The following TGIF1 variants were observed in gnomAD, a reference collection of about 807,000 sequenced individuals.
TGIF1 encodes homeobox protein TGIF1.
In TGIF1, 4 loss-of-function variants were observed where a neutral mutation model predicts 19.3. That is an observed-to-expected ratio of 0.21 (90% CI 0.10 to 0.47). TGIF1 has a LOEUF of 0.47. Among genes scored for constraint, TGIF1 ranks in the 20% least tolerant of loss-of-function variants. TGIF1 has a pLI of 0.98. For synonymous variants in TGIF1, 122 were observed against 129.3 expected, an observed-to-expected ratio of 0.94 and a Z score of 0.38; for missense variants, 275 against 341.4, an observed-to-expected ratio of 0.81 and a Z score of 1.53.
At chr18:3,433,320 C>T (rs536704766) in intron 2 of TGIF1, among the ~76,000 whole-genome samples, 10 of 152,080 alleles carry the variant, frequency 6.6e-5, no homozygotes, top group South Asian at 2.1e-4. Context: ...GTGATCCGCC[C>T]GCCTCAGCCT....
At position 3,443,542 on chromosome 18, in the gene TGIF1, A is replaced by G. The variant is rs143366592; in HGVS notation, c.-44-12812A>G. Among the ~76,000 whole-genome samples, 12 of 152,210 alleles carry G rather than the reference A, an allele frequency of 7.9e-5. No individual in the cohort carries two copies. In the East Asian group the frequency reaches 2.3e-3, roughly 29 times the overall value. Reference sequence around the variant, plus strand: ...ACTCTGTGCACTACAGGTGTATACCACGAAGCCCAGCCAATATAATATGAA... The same window carrying G: ...ACTCTGTGCACTACAGGTGTATACCGCGAAGCCCAGCCAATATAATATGAA... On this transcript the variant is annotated intron_variant, in intron 2 of 3. Transcript: ENST00000401449.
intron 2 of TGIF1, among the ~76,000 whole-genome samples, chr18:3,437,757 T>C (rs919706542): frequency 2.6e-5 from 4 of 152,174 alleles, no homozygotes; most frequent in African/African-American, 9.7e-5. Flanking sequence ...GAATCACTAA[T>C]CCCCTTGGAA....
At position 3,437,069 on chromosome 18, in the gene TGIF1, C is replaced by T. The variant is rs555311135; in HGVS notation, c.-45+18854C>T. ...GCAGTGAGCCGAGATTGCGCCACTG[C>T]ACTCCAACCTGGGTGACAGCGCAGG... On this transcript the variant is annotated intron_variant, in intron 2 of 3. Coordinates refer to the TGIF1 transcript ENST00000401449. Among the ~76,000 whole-genome samples, 19 of 152,210 alleles carry T rather than the reference C, an allele frequency of 1.2e-4. No individual in the cohort carries two copies. The East Asian group carries it at 3.7e-3, about 29-fold the overall frequency.
chr18:3,454,819 CT>C (rs1391228987), intron 1 of TGIF1, among the ~76,000 whole-genome samples: 1 of 152,176 alleles, frequency 6.6e-6, no homozygotes, highest in African/African-American at 2.4e-5. Flanking sequence ...TTTGTTAGAA[CT>C]TTACTTTGTC....
chr18:3,420,519 T>A (rs1346865563), intron 2 of TGIF1, among the ~76,000 whole-genome samples: 1 of 152,210 alleles, frequency 6.6e-6, no homozygotes, highest in African/African-American at 2.4e-5. Flanking sequence ...CAATGATCAC[T>A]TTAAATGTGA....
chr18:3,447,687 T>A, upstream of TGIF1: 1 of 1,606,276 alleles, frequency 6.2e-7, no homozygotes, highest in East Asian at 2.2e-5. Context: ...ATCACAGAAT[T>A]GTGCCAGTGT....
At chr18:3,432,051 C>T (rs1024407410) in intron 2 of TGIF1, among the ~76,000 whole-genome samples, 14 of 150,246 alleles carry the variant, frequency 9.3e-5, no homozygotes, top group Non-Finnish European at 1.5e-5. Flanking sequence ...TGGCTTGAAC[C>T]CAGGAGGCGG....
chr18:3,414,345 A>G (rs1364727396), intron 1 of TGIF1, among the ~76,000 whole-genome samples: 1 of 152,222 alleles, frequency 6.6e-6, no homozygotes, highest in Non-Finnish European at 1.5e-5. Flanking sequence ...TAGAATTGAT[A>G]TTCTCATTTA....
intron 1 of TGIF1, chr18:3,452,160 C>T (rs1225200165): frequency 6.2e-7 from 1 of 1,613,732 alleles, no homozygotes; most frequent in Non-Finnish European, 8.5e-7. Context: ...GGCCTACCTT[C>T]CCCCAGCGCC....
At chr18:3,452,254 G>A in intron 1 of TGIF1, 1 of 1,609,388 alleles carries the variant, frequency 6.2e-7, no homozygotes, top group Non-Finnish European at 8.5e-7. Context: ...CCACAGCCGC[G>A]TGCCCTCTCC....
At chr18:3,417,379 C>G (rs1372192848) in intron 1 of TGIF1, among the ~76,000 whole-genome samples, 5 of 152,132 alleles carry the variant, frequency 3.3e-5, no homozygotes, top group Non-Finnish European at 7.4e-5. Context: ...AGGCTGATCT[C>G]AAACTCCTGA....
upstream of TGIF1, chr18:3,450,113 G>C (rs945582610): frequency 2.8e-6 from 3 of 1,065,946 alleles, no homozygotes; most frequent in African/African-American, 5.0e-5. Flanking sequence ...GGAGGGGGAC[G>C]GGGCGGGCGG....
chr18:3,457,139 A>G lies in TGIF1; in HGVS notation c.244-226A>G. 1 of 611,578 alleles carries G rather than the reference A, an allele frequency of 1.6e-6. No individual in the cohort carries two copies. The highest frequency in any genetic ancestry group is 2.9e-6 in the Non-Finnish European group (1 of 349,496). The allele number at this position is 611,578 out of a possible 1,614,324, so 37.9% of individuals were successfully genotyped here. A position where few individuals can be genotyped will look rare whatever the true frequency, so the allele number is the denominator to read the frequency against. ...CCTGAAAAGGTTTAAGTATGAAGAG[A>G]CAAAAAAGGAAATTTGTATTAGAAA... is the stretch of plus-strand genomic sequence containing the variant. On this transcript the variant is annotated intron_variant, in intron 2 of 2. Transcript: ENST00000343820. This position sits in a 1 kb window ranked among gnomAD's most constrained non-coding sequence, Gnocchi z 4.9.
intron 2 of TGIF1, among the ~76,000 whole-genome samples, chr18:3,437,805 C>T (rs946231857): frequency 6.6e-6 from 1 of 152,084 alleles, no homozygotes; most frequent in African/African-American, 2.4e-5. Flanking sequence ...GACAAGTGGC[C>T]GGGCACGGTG....
At chr18:3,426,864 C>G (rs962639506) in intron 2 of TGIF1, among the ~76,000 whole-genome samples, 1 of 149,950 alleles carries the variant, frequency 6.7e-6, no homozygotes, top group Non-Finnish European at 1.5e-5. Context: ...AACCATGGTA[C>G]AGCCAAGCAG....
chr18:3,433,635 G>A (rs745478387), intron 2 of TGIF1, among the ~76,000 whole-genome samples: 2 of 152,190 alleles, frequency 1.3e-5, no homozygotes, highest in African/African-American at 2.4e-5. Flanking sequence ...GGACTGTGGG[G>A]AGGAGAGAAC....
intron 2 of TGIF1, among the ~76,000 whole-genome samples, chr18:3,441,953 T>A (rs1175872878): frequency 1.3e-5 from 2 of 151,666 alleles, no homozygotes; most frequent in East Asian, 3.8e-4. Context: ...CTTTCAGAAT[T>A]TCCCCAGCTG....
rs2229335 is a variant in TGIF1, at chr18:3,457,697, C to T, written c.576C>T (p.Val192=). The T allele has an allele frequency of 0.01, 16,225 of 1,614,138 alleles. 714 individuals are homozygous for T. The African/African-American group carries it at 0.13, about 13-fold the overall frequency. ...KDVPFSLCQS[V]GVGQNTDIQQ... ...TCCCTTTCTCTCTCTGCCAGTCGGT[C>T]GGTGTGGGACAAAACACAGATATAC... Residue 192 remains valine (V), a synonymous_variant, in exon 3 of 3, where the codon GTC becomes GTT. Coordinates refer to ENST00000343820, the MANE Select transcript of TGIF1 (RefSeq NM_003244.4). The surrounding 1 kb of genome is among the most constrained non-coding windows in gnomAD (Gnocchi z 4.9).
intron 2 of TGIF1, among the ~76,000 whole-genome samples, chr18:3,443,247 A>G (rs2082696237): frequency 6.6e-6 from 1 of 152,006 alleles, no homozygotes; most frequent in Non-Finnish European, 1.5e-5. Flanking sequence ...TGAGTTACAC[A>G]TTGGAAACAA....
Sources: gnomAD v4.1 joint callset for allele counts (sites outside exome capture counted in the v4.1 genomes callset) on GRCh38, gnomAD v4.1.1 for gene constraint, Gnocchi (gnomAD v3.1) non-coding constraint, MANE v1.5 for transcripts, NCBI Gene and HGNC (gene_info 2026-07-23, HGNC 2026-07-21) for gene names.